The following DNAH17 variants were observed in gnomAD, a reference collection of about 807,000 sequenced individuals.
DNAH17 encodes the protein axonemal beta dynein heavy chain 17.
In DNAH17, 376 loss-of-function variants were observed where a neutral mutation model predicts 485.6. The observed-to-expected ratio is 0.77, with a 90% CI of 0.71 to 0.84. DNAH17 has a LOEUF of 0.84. DNAH17 is among the 40% of genes least tolerant of loss of function. The pLI is 0.00. For missense variants in DNAH17, 6,370 were observed against 5,839.3 expected, an observed-to-expected ratio of 1.09 and a Z score of -2.96; for synonymous variants, 3,031 against 2,405.9, an observed-to-expected ratio of 1.26 and a Z score of -7.60.
intron 7 of DNAH17, 142 bp downstream of exon 7, chr17:78,570,105 C>T: frequency 1.0e-6 from 1 of 959,656 alleles, no homozygotes; most frequent in East Asian, 2.7e-5. Flanking sequence ...TCCATCTCAG[C>T]TCGGGGCCTG....
In DNAH17 at chr17:78,475,764, G is replaced by T; in HGVS notation, c.8224C>A (p.Pro2742Thr). The change falls in exon 53 of 81, where the codon CCC becomes ACC. Residue 2742 changes from proline (P) to threonine (T), a missense_variant. Pro to Thr is a conservative substitution (Grantham distance 38, BLOSUM62 -1). Transcript: ENST00000389840. The stretch of plus-strand genomic sequence containing the variant: ...ATGTCGGTTACAGGAACATATTTGG[G>T]ATCGCCAATCCCTTGAGCAAAGTGG... ...FCHFAQGIGD[P>T]KYVPVTDMAP... 1 of 1,613,854 alleles carries T rather than the reference G, an allele frequency of 6.2e-7. No individual in the cohort carries two copies. The highest frequency in any genetic ancestry group is 1.1e-5 in the South Asian group (1 of 91,062).
intron 16 of DNAH17, among the ~76,000 whole-genome samples, chr17:78,548,650 T>G (rs2091832431): frequency 6.6e-6 from 1 of 152,250 alleles, no homozygotes; most frequent in Admixed American, 6.5e-5. Context: ...CCTAACCCCT[T>G]TGCTGTTCAC....
chr17:78,441,288 G>A (rs536636147), intron 71 of DNAH17, 89 bp from the exon 72 acceptor site: 2 of 1,465,738 alleles, frequency 1.4e-6, no homozygotes, highest in African/African-American at 1.4e-5. Flanking sequence ...AGGCAGGGGG[G>A]CCATTTTTTG....
intron 26 of DNAH17, 71 bp downstream of exon 26, chr17:78,514,703 C>T: frequency 6.5e-7 from 1 of 1,550,348 alleles, no homozygotes; most frequent in South Asian, 1.2e-5. Flanking sequence ...CTAGGCAGCT[C>T]AGGCCAGCCC....
chr17:78,520,098 C>T (rs566900974), intron 25 of DNAH17, among the ~76,000 whole-genome samples: 9 of 136,172 alleles, frequency 6.6e-5, no homozygotes, highest in East Asian at 2.2e-4. Context: ...GGCGATAGAA[C>T]GAAACTCTGT....
In DNAH17 at chr17:78,423,822, G is replaced by A. The variant is rs2086209996; in HGVS notation, c.*84C>T. 1.3e-6 allele frequency: 2 copies of A among 1,522,360 alleles called. No homozygotes were observed. The highest frequency in any genetic ancestry group is 1.8e-6 in the Non-Finnish European group (2 of 1,118,496). 94.3% of individuals were successfully genotyped at this position (1,522,360 alleles called of 1,614,324 possible). A position where few individuals can be genotyped will look rare whatever the true frequency, so the allele number is the denominator to read the frequency against. ...GAACGAAAAACCACCACCAGTTCCT[G>A]TAAAGAATAAGTCACAGGTGCACAG... On this transcript the variant is annotated 3_prime_UTR_variant, in exon 81 of 81. Coordinates refer to ENST00000389840, the MANE Select transcript of DNAH17 (RefSeq NM_173628.4).
At chr17:78,509,692 C>T (rs1039741660) in intron 27 of DNAH17, among the ~76,000 whole-genome samples, 2 of 152,094 alleles carry the variant, frequency 1.3e-5, no homozygotes, top group African/African-American at 2.4e-5. Flanking sequence ...GGGGCCATCC[C>T]CCACCCATCC....
intron 14 of DNAH17, among the ~76,000 whole-genome samples, chr17:78,553,295 TTTTTTTTTTTTTTTTTTTTTTTTTA>T (rs1568244856): frequency 4.3e-5 from 2 of 47,008 alleles, no homozygotes; most frequent in East Asian, 1.0e-3. Flanking sequence ...TTTTTTTTTT[TTTTTTTTTTTTTTTTTTTTTTTTTA>T]AGATGGAGTC....
In DNAH17 at chr17:78,426,957, C is replaced by T. The variant is rs562678545; in HGVS notation, c.12740G>A (p.Arg4247His). ...RMNILTNEMR[R>H]SLKELNLGLK... Reference sequence around the variant, plus strand: ...CCCCAGGTTCAGCTCCTTGAGCGAACGGCGCATTTCGTTGGTCAGGATGTT... The same window carrying T: ...CCCCAGGTTCAGCTCCTTGAGCGAATGGCGCATTTCGTTGGTCAGGATGTT... Residue 4247 changes from arginine to histidine, a missense_variant, in exon 78 of 81, where the codon CGT (arginine) becomes CAT (histidine). By Grantham distance (29) the Arg-to-His change is conservative. Transcript: ENST00000389840. 30 of 1,609,710 alleles carry T rather than the reference C, an allele frequency of 1.9e-5. No individual in the cohort carries two copies. The highest frequency in any genetic ancestry group is 6.7e-5 in the East Asian group (3 of 44,768).
At chr17:78,429,385 G>A (rs1405806642) in intron 75 of DNAH17, 85 bp from the exon 76 acceptor site, 43 of 1,438,630 alleles carry the variant, frequency 3.0e-5, no homozygotes, top group Middle Eastern at 3.6e-4. Context: ...CAGGCAGGGC[G>A]TGGGAACCCA....
chr17:78,486,437 G>T lies in DNAH17; in HGVS notation c.6888C>A (p.Asp2296Glu). 6.2e-7 allele frequency: 1 copy of T among 1,613,710 alleles called. No individual in the cohort carries two copies. Among genetic ancestry groups the T allele is most frequent in the South Asian group, 1.1e-5 (1 of 91,080 alleles). The change falls in exon 45 of 81, where the codon GAC (aspartate) becomes GAA (glutamate). Residue 2296 changes from aspartate to glutamate, a missense_variant. Physicochemically the swap from Asp to Glu is conservative, Grantham distance 45 (BLOSUM62 2). Coordinates refer to ENST00000389840, the MANE Select transcript of DNAH17 (RefSeq NM_173628.4). ...SEKANLMILF[D>E]KYLPTCLDKL... The stretch of plus-strand genomic sequence containing the variant: ...TGTCCAGGCACGTGGGCAGGTACTT[G>T]TCAAAGAGGATCATCAGGTTGGCCT...
At chr17:78,531,304 G>A (rs553187512) in intron 20 of DNAH17, among the ~76,000 whole-genome samples, 2 of 148,920 alleles carry the variant, frequency 1.3e-5, no homozygotes, top group South Asian at 2.2e-4. Context: ...GACCTTCTTG[G>A]TCTCGTTTTA....
In DNAH17 at chr17:78,533,964, G is replaced by A. The variant is rs780066218; in HGVS notation, c.2860-1228C>T. On this transcript the variant is annotated intron_variant, in intron 19 of 80. Coordinates refer to ENST00000389840, the MANE Select transcript of DNAH17 (RefSeq NM_173628.4). ...GCCTCCCAAAGTGTTGGGATTACAG[G>A]CGTGAGCCAATGCGCCCAGCCCAAT... 2.0e-3 allele frequency among the ~76,000 whole-genome samples: 300 copies of A among 152,266 alleles called. 2 individuals carry two copies. Among genetic ancestry groups the A allele is most frequent in the Non-Finnish European group, 3.2e-3 (217 of 68,016 alleles).
At chr17:78,498,700 G>A (rs2090165409) in intron 37 of DNAH17, 1 of 203,954 alleles carries the variant, frequency 4.9e-6, no homozygotes. Flanking sequence ...CCTATGCCCA[G>A]CTCCGCTGAT....
chr17:78,557,719 T>C (rs191838636), intron 14 of DNAH17, among the ~76,000 whole-genome samples: 1 of 52,976 alleles, frequency 1.9e-5, no homozygotes, highest in Admixed American at 2.1e-4. Flanking sequence ...CTGTTCTGAG[T>C]CATCACTATC....
At chr17:78,558,549 G>C (rs1204742723) in intron 13 of DNAH17, among the ~76,000 whole-genome samples, 2 of 74,164 alleles carry the variant, frequency 2.7e-5, no homozygotes, top group Non-Finnish European at 5.9e-5. Context: ...CATCATCATT[G>C]CATGTGTATG....
chr17:78,468,928 C>A, intron 54 of DNAH17, 45 bp from the exon 55 acceptor site: 1 of 1,579,716 alleles, frequency 6.3e-7, no homozygotes, highest in Non-Finnish European at 8.6e-7. Context: ...TAAAAAGATG[C>A]TCAATTAGAG....
At chr17:78,469,428 A>C (rs2088644123) in intron 54 of DNAH17, among the ~76,000 whole-genome samples, 1 of 152,192 alleles carries the variant, frequency 6.6e-6, no homozygotes, top group South Asian at 2.1e-4. Flanking sequence ...GGTGTGAGCC[A>C]CTGTGCCCGG....
At chr17:78,522,641 G>T in intron 25 of DNAH17, 1 of 223,192 alleles carries the variant, frequency 4.5e-6, no homozygotes. Flanking sequence ...CCAGGCCAGA[G>T]CTGCTGGCCG....
Sources: gnomAD v4.1 joint callset for allele counts (sites outside exome capture counted in the v4.1 genomes callset) on GRCh38, gnomAD v4.1.1 for gene constraint, MANE v1.5 for transcripts, NCBI Gene and HGNC (gene_info 2026-07-23, HGNC 2026-07-21) for gene names.